Variants in SH3BP2 observed in about 807,000 individuals in gnomAD.
The protein encoded by SH3BP2 is SH3 domain-binding protein 2.
In SH3BP2, 38 loss-of-function variants were observed where a neutral mutation model predicts 56.2. That is an observed-to-expected ratio of 0.68 (90% CI 0.52 to 0.89). SH3BP2 has a LOEUF of 0.89. SH3BP2 is among the 40% of genes least tolerant of loss of function. The pLI is 0.00. For synonymous variants in SH3BP2, 346 were observed against 316.7 expected, an observed-to-expected ratio of 1.09 and a Z score of -0.98; for missense variants, 748 against 762.6, an observed-to-expected ratio of 0.98 and a Z score of 0.23.
intron 1 of SH3BP2, among the ~76,000 whole-genome samples, chr4:2,804,339 C>T (rs35617152): frequency 0.064 from 9,671 of 152,268 alleles, 530 homozygotes; most frequent in African/African-American, 0.15. Context: ...AGCTCTGCTT[C>T]TTTGCCCGAG....
Position 2,829,214 on chromosome 4 carries a change from C to T in SH3BP2, c.587-279C>T, listed in dbSNP as rs896445895. ...CTCTTCCTTTCTCTTCCTTCCACCT[C>T]TGGGAACCTGATGGGCTCCTCAGGT... On this transcript the variant is annotated intron_variant, in intron 7 of 12. Transcript: ENST00000503393. The surrounding 1 kb of genome is among the most constrained non-coding windows in gnomAD (Gnocchi z 4.9). 9.9e-5 allele frequency among the ~76,000 whole-genome samples: 15 copies of T among 152,244 alleles called. No individual in the cohort carries two copies. The highest frequency in any genetic ancestry group is 3.1e-4 in the African/African-American group (13 of 41,540).
chr4:2,827,440 G>T, intron 6 of SH3BP2, 122 bp downstream of exon 6: 2 of 1,174,794 alleles, frequency 1.7e-6, no homozygotes, highest in South Asian at 2.5e-5. Context: ...TTGGCAGTGC[G>T]CAGTAGCATC....
chr4:2,807,801 G>C (rs983131807), intron 1 of SH3BP2, among the ~76,000 whole-genome samples: 2 of 152,206 alleles, frequency 1.3e-5, no homozygotes, highest in African/African-American at 4.8e-5. Flanking sequence ...CAGCAAGCCT[G>C]GCGGGTGTGG....
intron 1 of SH3BP2, chr4:2,811,938 C>T: frequency 4.2e-6 from 1 of 239,422 alleles, no homozygotes; most frequent in South Asian, 4.8e-5. Context: ...GTAAATGCTG[C>T]TCTGTGCTGG....
chr4:2,804,962 G>T (rs866439570), intron 1 of SH3BP2, among the ~76,000 whole-genome samples: 1 of 152,246 alleles, frequency 6.6e-6, no homozygotes, highest in Non-Finnish European at 1.5e-5. Context: ...CAGAGCTGGC[G>T]CACTCAGAAC....
chr4:2,804,273 C>G (rs1723441177), intron 1 of SH3BP2, among the ~76,000 whole-genome samples: 1 of 152,212 alleles, frequency 6.6e-6, no homozygotes, highest in Admixed American at 6.5e-5. Context: ...GCACTAAGTC[C>G]TGGGTCCAGC....
intron 5 of SH3BP2, among the ~76,000 whole-genome samples, chr4:2,825,607 G>C (rs754105999): frequency 3.3e-5 from 5 of 151,942 alleles, no homozygotes; most frequent in Admixed American, 6.5e-5. Context: ...CACACACACA[G>C]AGCATGCACA....
chr4:2,803,356 C>T (rs541100158), intron 1 of SH3BP2, among the ~76,000 whole-genome samples: 1 of 152,178 alleles, frequency 6.6e-6, no homozygotes, highest in African/African-American at 2.4e-5. Context: ...GTTATCTCGC[C>T]CTGGTGCTGG....
chr4:2,798,041 T>C (rs1041031391), intron 1 of SH3BP2, among the ~76,000 whole-genome samples: 1 of 152,164 alleles, frequency 6.6e-6, no homozygotes, highest in Non-Finnish European at 1.5e-5. Flanking sequence ...TCTTCAGGTT[T>C]CCATCACAGC....
intron 1 of SH3BP2, among the ~76,000 whole-genome samples, chr4:2,817,656 G>A (rs896890439): frequency 6.6e-6 from 1 of 152,202 alleles, no homozygotes; most frequent in African/African-American, 2.4e-5. Flanking sequence ...TCTCCTGGGT[G>A]AGGTGCCTGC....
chr4:2,800,440 C>T (rs1335082894), intron 1 of SH3BP2, among the ~76,000 whole-genome samples: 1 of 152,198 alleles, frequency 6.6e-6, no homozygotes, highest in African/African-American at 2.4e-5. Context: ...TGCTTCCCAG[C>T]CAGGAGGAGG....
At chr4:2,800,031 G>T (rs1405328073) in intron 1 of SH3BP2, among the ~76,000 whole-genome samples, 1 of 152,142 alleles carries the variant, frequency 6.6e-6, no homozygotes, top group Non-Finnish European at 1.5e-5. Flanking sequence ...TGAGGAGCTC[G>T]GGCGGGGTCT....
intron 12 of SH3BP2, 149 bp downstream of exon 12, chr4:2,833,198 C>T: frequency 5.5e-6 from 4 of 722,786 alleles, no homozygotes; most frequent in Non-Finnish European, 9.8e-6. Flanking sequence ...CCATCGCTCA[C>T]CCCCCACCCC....
At chr4:2,826,246 T>A (rs1724610138) in intron 5 of SH3BP2, 1 of 155,532 alleles carries the variant, frequency 6.4e-6, no homozygotes. Context: ...TTGCTCCGTG[T>A]GTGTGCATGT....
intron 3 of SH3BP2, chr4:2,823,403 G>A (rs1224917658): frequency 4.3e-6 from 2 of 465,008 alleles, no homozygotes; most frequent in Non-Finnish European, 8.6e-6. Context: ...AGGCAGCCCA[G>A]ACCCCAGCCA....
chr4:2,827,653 C>G lies in SH3BP2; in HGVS notation c.565C>G (p.Pro189Ala). The G allele has an allele frequency of 6.3e-7, 1 of 1,594,662 alleles. No individual in the cohort carries two copies. ...EDDSYLEPDSPEPGRLEDALM... is the reference protein window; with the variant it reads ...EDDSYLEPDSAEPGRLEDALM... ...TGACTCCTACCTGGAGCCTGACTCC[C>G]CGGAGCCCGGAAGGCTTGAGGGTAG... Residue 189 changes from proline (P) to alanine (A), a missense_variant, in exon 7 of 13, where the codon CCG becomes GCG. This residue lies in a region of SH3BP2 where 635 missense variants were observed against 615.0 expected (regional missense o/e 1.03). Transcript: ENST00000503393.
rs1725270199 is a variant in SH3BP2 at position 2,837,343 on chromosome 4, T to C, written c.*3509T>C. On this transcript the variant is annotated 3_prime_UTR_variant, in exon 13 of 13. Coordinates refer to ENST00000503393, the MANE Select transcript of SH3BP2 (RefSeq NM_001122681.2). ...GCGCCCAGCCTTGAAAAGATGTTTT[T>C]AGAACCAGAAGAAACCTCGGTTCCC... 2 of 152,290 alleles carry C rather than the reference T, an allele frequency of 1.3e-5. No homozygotes were observed. The highest frequency in any genetic ancestry group is 2.9e-5 in the Non-Finnish European group (2 of 68,074). The allele number at this position is 152,290 out of a possible 1,614,324, so 9.4% of individuals were successfully genotyped here. A position where few individuals can be genotyped will look rare whatever the true frequency, so the allele number is the denominator to read the frequency against.
chr4:2,813,073 G>A (rs1050803952), intron 1 of SH3BP2, among the ~76,000 whole-genome samples: 3 of 152,234 alleles, frequency 2.0e-5, no homozygotes, highest in Admixed American at 1.3e-4. Context: ...GCTGGTTACT[G>A]GGCCTTTACG....
chr4:2,824,776 G>A (rs1334586031), intron 4 of SH3BP2, 46 bp downstream of exon 4: 2 of 1,419,722 alleles, frequency 1.4e-6, no homozygotes, highest in Non-Finnish European at 2.0e-6. Flanking sequence ...GGGGGTGTGG[G>A]CCTGCAGGCA....
Sources: allele counts gnomAD v4.1 joint callset (sites outside exome capture counted in the v4.1 genomes callset), GRCh38; gene constraint gnomAD v4.1.1; regional missense constraint gnomAD v4.1.1; non-coding constraint Gnocchi (gnomAD v3.1); transcripts MANE v1.5; gene names NCBI Gene and HGNC (gene_info 2026-07-23, HGNC 2026-07-21).